The following NIPBL variants were observed in gnomAD, a reference collection of about 807,000 sequenced individuals.
NIPBL encodes the protein nipped-B-like protein.
NIPBL carries 19 observed loss-of-function variants against 321.8 expected under a neutral mutation model. The observed-to-expected ratio is 0.06, with a 90% CI of 0.04 to 0.09. The LOEUF (loss-of-function observed/expected upper bound fraction) is 0.09. NIPBL is among the 10% of genes least tolerant of loss of function. NIPBL has a pLI of 1.00. For synonymous variants in NIPBL, 1,106 were observed against 1,114.1 expected (o/e 0.99, Z 0.14); for missense variants, 2,210 against 3,327.0 (o/e 0.66, Z 8.26).
intron 10 of NIPBL, among the ~76,000 whole-genome samples, chr5:36,994,391 G>T (rs1417642258): frequency 6.6e-6 from 1 of 151,988 alleles, no homozygotes; most frequent in African/African-American, 2.4e-5. Context: ...AATAAAAAAA[G>T]GGTTATTCTT....
chr5:36,976,786 T>A (rs1422701184), intron 9 of NIPBL, among the ~76,000 whole-genome samples: 1 of 152,154 alleles, frequency 6.6e-6, no homozygotes, highest in Non-Finnish European at 1.5e-5. Flanking sequence ...CACTGTAGAA[T>A]TATTTTGAAC....
Position 37,064,596 on chromosome 5 carries a change from G to A in NIPBL, c.8119G>A (p.Val2707Ile). Residue 2707 changes from valine (V) to isoleucine (I), a missense_variant, in exon 47 of 47, where the codon GTC (valine) becomes ATC (isoleucine). By Grantham distance (29) the Val-to-Ile change is conservative. Coordinates refer to ENST00000282516, the MANE Select transcript of NIPBL (RefSeq NM_133433.4). ...AGCACAGATGAATGAAAGTGTTGACGTCATGGATGTCATCGCTATTTGCTG... is the reference window on the plus strand; with the variant it reads ...AGCACAGATGAATGAAAGTGTTGACATCATGGATGTCATCGCTATTTGCTG... ...LAAQMNESVD[V>I]MDVIAICCPK... is the part of the protein sequence containing the mutation. The A allele has an allele frequency of 1.2e-6, 2 of 1,614,128 alleles. No homozygotes were observed. The highest frequency in any genetic ancestry group is 1.7e-6 in the Non-Finnish European group (2 of 1,180,038).
chr5:36,900,172 G>A (rs760343212), intron 1 of NIPBL, among the ~76,000 whole-genome samples: 1 of 151,904 alleles, frequency 6.6e-6, no homozygotes, highest in Non-Finnish European at 1.5e-5. Context: ...TGCAGATTCA[G>A]CCAAGCACAG....
intron 1 of NIPBL, among the ~76,000 whole-genome samples, chr5:36,952,741 G>A (rs1740534618): frequency 6.6e-6 from 1 of 152,158 alleles, no homozygotes; most frequent in Non-Finnish European, 1.5e-5. Context: ...ACACGTCTTT[G>A]TCCTTTATGT....
chr5:37,051,702 A>G (rs1420439669), intron 40 of NIPBL, 77 bp from the exon 41 acceptor site: 2 of 925,214 alleles, frequency 2.2e-6, no homozygotes, highest in Admixed American at 3.6e-5. Context: ...TCTCAGATAT[A>G]TGAAAAGTTT....
chr5:36,972,583 A>G (rs748023301), intron 8 of NIPBL, among the ~76,000 whole-genome samples: 1 of 152,082 alleles, frequency 6.6e-6, no homozygotes, highest in Admixed American at 6.6e-5. Context: ...TCCTAAATCA[A>G]TCTTTGGCTC....
chr5:36,993,683 G>T (rs556723038), intron 10 of NIPBL, among the ~76,000 whole-genome samples: 1 of 151,546 alleles, frequency 6.6e-6, no homozygotes, highest in African/African-American at 2.4e-5. Flanking sequence ...AAAAAATCCC[G>T]TGATGGATGA....
intron 26 of NIPBL, 23 bp from the exon 27 acceptor site, chr5:37,020,747 ATAAAT>A (rs1749531476): frequency 1.2e-6 from 2 of 1,608,878 alleles, no homozygotes; most frequent in African/African-American, 1.3e-5. Context: ...AAAAAGAAAA[ATAAAT>A]TTTTAATGAC....
intron 9 of NIPBL, among the ~76,000 whole-genome samples, chr5:36,978,776 G>A (rs1463675484): frequency 1.3e-5 from 2 of 151,962 alleles, no homozygotes; most frequent in Non-Finnish European, 2.9e-5. Flanking sequence ...TAGGTGAGAG[G>A]CAGGAGTCCC....
At chr5:37,042,709 G>C (rs1448026673) in intron 34 of NIPBL, among the ~76,000 whole-genome samples, 1 of 151,048 alleles carries the variant, frequency 6.6e-6, no homozygotes, top group Non-Finnish European at 1.5e-5. Flanking sequence ...CTCCTTCCAT[G>C]CCTCCAGCTA....
In NIPBL at chr5:36,898,598, G is replaced by A. The variant is rs530316019; in HGVS notation, c.-80+21420G>A. On this transcript the variant is annotated intron_variant, in intron 1 of 46. Transcript: ENST00000282516. ...ACGATCTCAGCTCACCACAACCTCC[G>A]CCTCCCAGGTTCAAGTGATTCTCCT... 1.3e-4 allele frequency among the ~76,000 whole-genome samples: 19 copies of A among 145,692 alleles called. No individual in the cohort carries two copies. The East Asian group carries it at 3.3e-3, about 25-fold the overall frequency.
chr5:37,062,357 G>T (rs1017076900), intron 45 of NIPBL, among the ~76,000 whole-genome samples: 2 of 151,412 alleles, frequency 1.3e-5, no homozygotes, highest in South Asian at 4.2e-4. Context: ...TTACTTTTTC[G>T]TATGTTCTTA....
chr5:36,897,007 ATT>A (rs532306217), intron 1 of NIPBL, among the ~76,000 whole-genome samples: 2 of 143,522 alleles, frequency 1.4e-5, no homozygotes, highest in African/African-American at 2.6e-5. Context: ...ACTTTTATAT[ATT>A]TTTTTTTTTT....
rs777163113 is a variant in NIPBL, at chr5:37,007,278, AT to A, written c.4088-43del. On this transcript the variant is annotated intron_variant, in intron 17 of 46. Coordinates refer to ENST00000282516, the MANE Select transcript of NIPBL (RefSeq NM_133433.4). ...GTTTGAGTACTGTTTATTAAAAATT[AT>A]TAAAAGTTGATGTTTTCCTTATCTT... is the stretch of plus-strand genomic sequence containing the variant. 6 of 1,550,188 alleles carry A rather than the reference AT, an allele frequency of 3.9e-6. No homozygotes were observed. In the Admixed American group the frequency reaches 8.6e-5, roughly 22 times the overall value.
chr5:36,901,642 G>A (rs955508114), intron 1 of NIPBL, among the ~76,000 whole-genome samples: 9 of 151,254 alleles, frequency 6.0e-5, no homozygotes, highest in African/African-American at 1.5e-4. Flanking sequence ...CCCAAGTAGC[G>A]GGGATTACAG....
In NIPBL at chr5:37,006,345, A is replaced by T. The variant is rs199847583; in HGVS notation, c.3856-12A>T. 7 of 1,332,542 alleles carry T rather than the reference A, an allele frequency of 5.3e-6. No individual in the cohort carries two copies. The highest frequency in any genetic ancestry group is 7.6e-6 in the Non-Finnish European group (7 of 923,454). The allele number at this position is 1,332,542 out of a possible 1,614,324, so 82.5% of individuals were successfully genotyped here. On this transcript the variant is annotated splice_polypyrimidine_tract_variant and intron_variant, in intron 16 of 46. Coordinates refer to ENST00000282516, the MANE Select transcript of NIPBL (RefSeq NM_133433.4). The stretch of plus-strand genomic sequence containing the variant: ...TGTTTATTTCCATTTCATTAACAAT[A>T]CTGTTTTACAGAATAACGATACTGA...
At chr5:36,904,047 T>C (rs1314924919) in intron 1 of NIPBL, among the ~76,000 whole-genome samples, 1 of 152,186 alleles carries the variant, frequency 6.6e-6, no homozygotes, top group Admixed American at 6.5e-5. Flanking sequence ...TACCACATAC[T>C]GTATAGGATT....
At chr5:37,032,686 G>A (rs917540964) in intron 32 of NIPBL, among the ~76,000 whole-genome samples, 2 of 152,090 alleles carry the variant, frequency 1.3e-5, no homozygotes, top group Non-Finnish European at 2.9e-5. Flanking sequence ...GAGGCAGGAG[G>A]ATCACTTGAG....
At chr5:36,906,229 T>A (rs1383802683) in intron 1 of NIPBL, among the ~76,000 whole-genome samples, 1 of 152,146 alleles carries the variant, frequency 6.6e-6, no homozygotes. Flanking sequence ...ATAGCTAATA[T>A]GTAATATGTA....
Sources: gnomAD v4.1 joint callset for allele counts (sites outside exome capture counted in the v4.1 genomes callset) on GRCh38, gnomAD v4.1.1 for gene constraint, MANE v1.5 for transcripts, NCBI Gene and HGNC (gene_info 2026-07-23, HGNC 2026-07-21) for gene names.